The following CABYR variants were observed in gnomAD, a reference collection of about 807,000 sequenced individuals.
CABYR encodes the protein calcium-binding tyrosine phosphorylation-regulated protein.
In CABYR, 31 loss-of-function variants were observed where a neutral mutation model predicts 36.1. The observed-to-expected ratio is 0.86, with a 90% CI of 0.64 to 1.16. The LOEUF is 1.16. CABYR is among the 50% of genes most tolerant of loss of function. The pLI is 0.00. For synonymous variants in CABYR, 146 were observed against 160.7 expected (o/e 0.91, Z 0.69); for missense variants, 429 against 455.8 (o/e 0.94, Z 0.53).
intron 3 of CABYR, among the ~76,000 whole-genome samples, chr18:24,153,361 G>A (rs991273623): frequency 4.6e-5 from 7 of 152,122 alleles, no homozygotes; most frequent in East Asian, 1.9e-4. Flanking sequence ...TAATAGGAGC[G>A]CTCTCTCTGG....
intron 4 of CABYR, among the ~76,000 whole-genome samples, chr18:24,158,228 A>G (rs1368193563): frequency 2.0e-5 from 3 of 152,090 alleles, no homozygotes; most frequent in Non-Finnish European, 4.4e-5. Flanking sequence ...TGGCTTGTAC[A>G]TATTTTTCAA....
chr18:24,146,158 G>T (rs996307698), intron 3 of CABYR, among the ~76,000 whole-genome samples: 3 of 152,158 alleles, frequency 2.0e-5, no homozygotes, highest in Non-Finnish European at 4.4e-5. Flanking sequence ...ATTACTACAT[G>T]AGGTGGATAG....
intron 3 of CABYR, chr18:24,150,488 T>C: frequency 2.0e-6 from 1 of 509,266 alleles, no homozygotes; most frequent in Non-Finnish European, 2.5e-6. Context: ...CATCTGCCTG[T>C]ATCCTTAATC....
In CABYR at chr18:24,161,587, T is replaced by A. The variant is rs911611979; in HGVS notation, c.*71T>A. The A allele has an allele frequency of 1.3e-6, 1 of 773,034 alleles. No homozygotes were observed. Among genetic ancestry groups the A allele is most frequent in the Non-Finnish European group, 2.4e-6 (1 of 415,124 alleles). 47.9% of individuals were successfully genotyped at this position (773,034 alleles called of 1,614,324 possible). A position where few individuals can be genotyped will look rare whatever the true frequency, so the allele number is the denominator to read the frequency against. ...CCACCAGTGTAATGTATCAATAAAC[T>A]TCATGCAAGCATACAATTTTGTATT... On this transcript the variant is annotated 3_prime_UTR_variant, in exon 6 of 6. Transcript: ENST00000399496.
At chr18:24,142,755 C>G (rs547545418) in intron 1 of CABYR, among the ~76,000 whole-genome samples, 1 of 151,790 alleles carries the variant, frequency 6.6e-6, no homozygotes, top group Non-Finnish European at 1.5e-5. Context: ...TTCTTGGAAA[C>G]TATAGTTAAC....
Position 24,160,073 on chromosome 18 carries a change from G to T in CABYR, c.1139+4G>T. The T allele has an allele frequency of 6.3e-7, 1 of 1,599,232 alleles. No homozygotes were observed. The highest frequency in any genetic ancestry group is 1.1e-5 in the South Asian group (1 of 89,672). On this transcript the variant is annotated splice_donor_region_variant and intron_variant, in intron 5 of 5. Coordinates refer to ENST00000399496, the MANE Select transcript of CABYR (RefSeq NM_153769.3). ...GCAAAGCAGAAACTGAAAACTGGTA[G>T]GTACACTTTCCTACCATAATATTTA...
chr18:24,160,413 T>G (rs2145890276), intron 5 of CABYR: 1 of 250,120 alleles, frequency 4.0e-6, no homozygotes, highest in Non-Finnish European at 7.6e-6. Flanking sequence ...TTAGTTGGCA[T>G]GTTTAGGGAG....
intron 3 of CABYR, among the ~76,000 whole-genome samples, chr18:24,155,014 T>G (rs56247475): frequency 0.097 from 14,835 of 152,306 alleles, 1,010 homozygotes; most frequent in Middle Eastern, 0.27. Flanking sequence ...AAAAAAATCC[T>G]ATAGTCCTCT....
At chr18:24,157,850 T>C (rs2085833576) in intron 4 of CABYR, among the ~76,000 whole-genome samples, 1 of 152,198 alleles carries the variant, frequency 6.6e-6, no homozygotes, top group South Asian at 2.1e-4. Flanking sequence ...CTTCTCTTTT[T>C]AGGGACAGAA....
At chr18:24,149,393 C>A (rs1288066099) in intron 3 of CABYR, among the ~76,000 whole-genome samples, 5 of 152,146 alleles carry the variant, frequency 3.3e-5, no homozygotes, top group Non-Finnish European at 7.3e-5. Context: ...AAACCTTGAG[C>A]TAGATAGAGA....
chr18:24,143,813 G>A (rs892856581), intron 3 of CABYR, among the ~76,000 whole-genome samples: 6 of 151,986 alleles, frequency 3.9e-5, no homozygotes, highest in South Asian at 2.1e-4. Flanking sequence ...TGGGATTACC[G>A]GCATGAGGAG....
chr18:24,146,414 C>G (rs1283089683), intron 3 of CABYR, among the ~76,000 whole-genome samples: 1 of 152,090 alleles, frequency 6.6e-6, no homozygotes, highest in Non-Finnish European at 1.5e-5. Flanking sequence ...GTCAAAAGGT[C>G]TGTGTCCACC....
chr18:24,153,870 C>T (rs182893878), intron 3 of CABYR, among the ~76,000 whole-genome samples: 122 of 151,900 alleles, frequency 8.0e-4, no homozygotes, highest in Non-Finnish European at 1.6e-3. Flanking sequence ...TTTGGAAGGC[C>T]GAGGCAGGTG....
intron 1 of CABYR, among the ~76,000 whole-genome samples, chr18:24,142,027 C>A (rs775276854): frequency 4.6e-5 from 7 of 152,112 alleles, no homozygotes; most frequent in Non-Finnish European, 1.0e-4. Flanking sequence ...AAAATGCACA[C>A]TTAAACATGA....
At chr18:24,161,281 C>A (rs2085974693) in intron 5 of CABYR, among the ~76,000 whole-genome samples, 1 of 151,854 alleles carries the variant, frequency 6.6e-6, no homozygotes, top group Admixed American at 6.6e-5. Flanking sequence ...ATTATCTTAT[C>A]TTAGGGCTAC....
In CABYR at chr18:24,159,963, AG is replaced by A; in HGVS notation, c.1034del (p.Ser345IlefsTer20). The A allele has an allele frequency of 6.2e-7, 1 of 1,614,184 alleles. No individual in the cohort carries two copies. ...CCCAGTAGAAGATGTAGCTAAAAAA[AG>A]TTCAGGATCTGGTGACAAATGTGCT... The part of the protein sequence containing the change: ...AFPVEDVAKK[S>X]SGSGDKCAPF... On this transcript the variant is annotated frameshift_variant, in exon 5 of 6. Transcript: ENST00000399496. LOFTEE classifies it high-confidence loss of function.
chr18:24,149,296 C>G (rs542618081), intron 3 of CABYR, among the ~76,000 whole-genome samples: 3 of 150,948 alleles, frequency 2.0e-5, no homozygotes, highest in South Asian at 4.2e-4. Flanking sequence ...AGGTTCTCTA[C>G]GGCCCCACCA....
chr18:24,155,436 TTTTAA>T (rs1300720591), intron 3 of CABYR, among the ~76,000 whole-genome samples: 1 of 152,230 alleles, frequency 6.6e-6, no homozygotes, highest in Non-Finnish European at 1.5e-5. Flanking sequence ...CTGAAAACTC[TTTTAA>T]TTTGTGTCTA....
At chr18:24,153,952 A>C (rs1420897086) in intron 3 of CABYR, among the ~76,000 whole-genome samples, 1 of 151,794 alleles carries the variant, frequency 6.6e-6, no homozygotes, top group Non-Finnish European at 1.5e-5. Flanking sequence ...AAAATACAAA[A>C]ATTAGCCGGG....
Sources: allele counts gnomAD v4.1 joint callset (sites outside exome capture counted in the v4.1 genomes callset), GRCh38; gene constraint gnomAD v4.1.1; transcripts MANE v1.5; gene names NCBI Gene and HGNC (gene_info 2026-07-23, HGNC 2026-07-21).